Variants in FCHSD2 observed in about 807,000 individuals in gnomAD.
FCHSD2 encodes the protein F-BAR and double SH3 domains protein 2.
A neutral mutation model predicts 108.1 loss-of-function variants in FCHSD2; 38 were observed. That is an observed-to-expected ratio of 0.35 (90% CI 0.27 to 0.46). The LOEUF (loss-of-function observed/expected upper bound fraction) is 0.46. Among genes scored for constraint, FCHSD2 ranks in the 20% least tolerant of loss-of-function variants. The pLI is 1.00. For synonymous variants in FCHSD2, 279 were observed against 314.7 expected (o/e 0.89, Z 1.20); for missense variants, 751 against 897.8 (o/e 0.84, Z 2.09).
At chr11:72,868,740 G>A (rs1023476498) in intron 12 of FCHSD2, among the ~76,000 whole-genome samples, 2 of 151,144 alleles carry the variant, frequency 1.3e-5, no homozygotes, top group African/African-American at 2.4e-5. Context: ...CTATATAACC[G>A]TCATGAAAGG....
chr11:73,068,679 A>G (rs931271990), intron 3 of FCHSD2, among the ~76,000 whole-genome samples: 1 of 152,054 alleles, frequency 6.6e-6, no homozygotes, highest in Non-Finnish European at 1.5e-5. Flanking sequence ...ACTCTTTATA[A>G]AGACTTCAGG....
At chr11:72,846,918 T>A (rs1034478326) in intron 14 of FCHSD2, among the ~76,000 whole-genome samples, 3 of 152,192 alleles carry the variant, frequency 2.0e-5, no homozygotes, top group African/African-American at 7.2e-5. Context: ...TCAGTAAGTT[T>A]CATAATATTA....
intron 2 of FCHSD2, among the ~76,000 whole-genome samples, chr11:73,114,366 G>A (rs978633457): frequency 6.6e-6 from 1 of 151,968 alleles, no homozygotes; most frequent in Non-Finnish European, 1.5e-5. Context: ...GTCCAGAAAC[G>A]CTGTCCAAGG....
At chr11:73,031,991 C>A (rs1177169142) in intron 3 of FCHSD2, among the ~76,000 whole-genome samples, 2 of 151,946 alleles carry the variant, frequency 1.3e-5, no homozygotes, top group Non-Finnish European at 2.9e-5. Context: ...CCAAGAGGAA[C>A]TATTAACTAA....
At chr11:73,100,943 C>A (rs534146231) in intron 2 of FCHSD2, among the ~76,000 whole-genome samples, 77 of 151,930 alleles carry the variant, frequency 5.1e-4, no homozygotes, top group African/African-American at 1.8e-3. Context: ...TTTCTCAGAG[C>A]TCTCCTCACA....
intron 3 of FCHSD2, among the ~76,000 whole-genome samples, chr11:73,059,958 A>AG (rs1591521722): frequency 6.6e-6 from 1 of 152,248 alleles, no homozygotes; most frequent in East Asian, 1.9e-4. Context: ...TTACATGGTC[A>AG]TCAGTACATT....
chr11:72,976,721 C>A (rs967334316), intron 8 of FCHSD2, among the ~76,000 whole-genome samples: 1 of 152,114 alleles, frequency 6.6e-6, no homozygotes, highest in Non-Finnish European at 1.5e-5. Context: ...ACCAATGGAA[C>A]AGAAGACAGA....
intron 14 of FCHSD2, among the ~76,000 whole-genome samples, chr11:72,845,019 TG>T (rs955284085): frequency 6.6e-6 from 1 of 152,190 alleles, no homozygotes; most frequent in Admixed American, 6.5e-5. Flanking sequence ...GTAATAAAAA[TG>T]TTTTTCATGG....
intron 8 of FCHSD2, among the ~76,000 whole-genome samples, chr11:72,928,352 C>G (rs976594004): frequency 6.6e-6 from 1 of 152,162 alleles, no homozygotes; most frequent in Admixed American, 6.5e-5. Flanking sequence ...ACATAACTCT[C>G]TCTCATTAGC....
chr11:73,129,580 T>C (rs1192480103), intron 2 of FCHSD2, among the ~76,000 whole-genome samples: 1 of 152,166 alleles, frequency 6.6e-6, no homozygotes, highest in Non-Finnish European at 1.5e-5. Flanking sequence ...GATGGGACCG[T>C]CCAGTTGCAG....
At chr11:73,029,412 G>A (rs578188928) in intron 3 of FCHSD2, among the ~76,000 whole-genome samples, 3 of 152,286 alleles carry the variant, frequency 2.0e-5, no homozygotes, top group African/African-American at 7.2e-5. Flanking sequence ...GAAAGATTTG[G>A]AGAGTAAATT....
chr11:72,973,047 T>A (rs1857036244), intron 8 of FCHSD2, among the ~76,000 whole-genome samples: 1 of 152,076 alleles, frequency 6.6e-6, no homozygotes, highest in Non-Finnish European at 1.5e-5. Flanking sequence ...AGTAAAACAA[T>A]AAACAACTAA....
At chr11:73,105,781 CA>C (rs887850768) in intron 2 of FCHSD2, among the ~76,000 whole-genome samples, 2 of 151,940 alleles carry the variant, frequency 1.3e-5, no homozygotes, top group African/African-American at 4.8e-5. Flanking sequence ...CATAATCATA[CA>C]AAAAATGAGA....
At chr11:72,959,092 G>T (rs1856771823) in intron 8 of FCHSD2, among the ~76,000 whole-genome samples, 1 of 151,914 alleles carries the variant, frequency 6.6e-6, no homozygotes, top group Admixed American at 6.6e-5. Flanking sequence ...CAAGAGGAGA[G>T]ACAAGCCACT....
rs533028967 is a variant in FCHSD2, at chr11:72,916,711, G to A, written c.828+5117C>T. Among the ~76,000 whole-genome samples the A allele has an allele frequency of 3.9e-4, 59 of 152,232 alleles. No homozygotes were observed. In the South Asian group the frequency reaches 0.012, roughly 32 times the overall value. On this transcript the variant is annotated intron_variant, in intron 9 of 19. Transcript: ENST00000409418. The stretch of plus-strand genomic sequence containing the variant: ...GAAACTTTTATCAGATATGTGATGT[G>A]CAAATATTTTCTCTCATCATTTGGG...
intron 12 of FCHSD2, among the ~76,000 whole-genome samples, chr11:72,870,321 T>C (rs78139650): frequency 0.025 from 3,757 of 152,256 alleles, 149 homozygotes; most frequent in African/African-American, 0.087. Context: ...TTTGATATAA[T>C]TGGGGGCTCC....
At chr11:72,984,980 A>G in intron 7 of FCHSD2, 82 bp downstream of exon 7, 4 of 619,782 alleles carry the variant, frequency 6.5e-6, no homozygotes, top group Admixed American at 2.5e-5. Flanking sequence ...GAAATAATCC[A>G]CCTCCACCCT....
At chr11:73,085,166 C>T (rs1380574) in intron 2 of FCHSD2, among the ~76,000 whole-genome samples, 7,491 of 152,182 alleles carry the variant, frequency 0.049, 500 homozygotes, top group African/African-American at 0.15. Context: ...AACCTAAAGA[C>T]TCATGCTTAT....
At chr11:72,900,221 C>T in intron 10 of FCHSD2, 5 of 566,832 alleles carry the variant, frequency 8.8e-6, no homozygotes, top group Non-Finnish European at 1.4e-5. Flanking sequence ...ACCCACACTT[C>T]CCATCCCTCC....
Sources: allele counts gnomAD v4.1 joint callset (sites outside exome capture counted in the v4.1 genomes callset), GRCh38; gene constraint gnomAD v4.1.1; transcripts MANE v1.5; gene names NCBI Gene and HGNC (gene_info 2026-07-23, HGNC 2026-07-21).